CNTNAP5: variants seen among roughly 807,000 people sequenced by gnomAD.
CNTNAP5 encodes the protein contactin associated protein family member 5.
A neutral mutation model predicts 150.2 loss-of-function variants in CNTNAP5; 72 were observed. The ratio of observed to expected loss-of-function variants is 0.48; its 90% CI spans 0.40 to 0.58. The LOEUF (loss-of-function observed/expected upper bound fraction) is 0.58, where lower values mean the gene tolerates loss of function less well. CNTNAP5 is among the 20% of genes least tolerant of loss of function. The pLI, the probability that CNTNAP5 is intolerant of heterozygous loss-of-function variation, is 0.00. For missense variants in CNTNAP5, 1,636 were observed against 1,626.2 expected (o/e 1.01, Z -0.10); for synonymous variants, 672 against 619.8 (o/e 1.08, Z -1.25).
chr2:124,605,841 A>T (rs1456313499), intron 11 of CNTNAP5, among the ~76,000 whole-genome samples: 1 of 150,458 alleles, frequency 6.6e-6, no homozygotes, highest in Non-Finnish European at 1.5e-5. Context: ...AAAGAAGGAA[A>T]GAAAGAAAGA....
At chr2:124,745,924 G>A (rs1197781745) in intron 13 of CNTNAP5, among the ~76,000 whole-genome samples, 1 of 152,178 alleles carries the variant, frequency 6.6e-6, no homozygotes, top group Non-Finnish European at 1.5e-5. Context: ...GGGGATGATA[G>A]CCTGGAGGCA....
chr2:124,113,310 A>G (rs1310276462), intron 1 of CNTNAP5, among the ~76,000 whole-genome samples: 1 of 152,096 alleles, frequency 6.6e-6, no homozygotes, highest in Non-Finnish European at 1.5e-5. Context: ...AGTTTTTTGT[A>G]CACCTTTCTT....
In CNTNAP5 at chr2:124,302,502, C is replaced by T. The variant is rs140117573; in HGVS notation, c.381+60109C>T. Among the ~76,000 whole-genome samples the T allele has an allele frequency of 2.8e-3, 431 of 152,238 alleles. 2 individuals carry two copies. The highest frequency in any genetic ancestry group is 9.9e-3 in the African/African-American group (410 of 41,538). Reference sequence around the variant, plus strand: ...TCCCATGGCAGAATGTGAAGGGACACGGAGGGTGAGGGCAAGAGAGTGAGA... The same window carrying T: ...TCCCATGGCAGAATGTGAAGGGACATGGAGGGTGAGGGCAAGAGAGTGAGA... On this transcript the variant is annotated intron_variant, in intron 3 of 23. Coordinates refer to ENST00000682447, the MANE Select transcript of CNTNAP5 (RefSeq NM_001367498.1).
intron 3 of CNTNAP5, among the ~76,000 whole-genome samples, chr2:124,355,789 T>C (rs1334094910): frequency 6.6e-6 from 1 of 152,148 alleles, no homozygotes; most frequent in South Asian, 2.1e-4. Flanking sequence ...TGGACATTTG[T>C]AATTTGCATT....
chr2:124,349,573 A>ACT (rs1689822796), intron 3 of CNTNAP5, among the ~76,000 whole-genome samples: 1 of 152,112 alleles, frequency 6.6e-6, no homozygotes, highest in Admixed American at 6.6e-5. Context: ...AAAAGCACTA[A>ACT]CTCTTTGTCT....
At chr2:124,398,480 CTTTA>C (rs71394036) in intron 3 of CNTNAP5, among the ~76,000 whole-genome samples, 45 of 147,988 alleles carry the variant, frequency 3.0e-4, no homozygotes, top group Middle Eastern at 3.5e-3. Flanking sequence ...GAAATTTTTA[CTTTA>C]TTTATTTATT....
intron 14 of CNTNAP5, among the ~76,000 whole-genome samples, chr2:124,749,343 C>T (rs1053253758): frequency 1.7e-4 from 26 of 151,584 alleles, no homozygotes; most frequent in African/African-American, 6.3e-4. Context: ...CCCTCCCCTC[C>T]CTCCTCCTTC....
intron 4 of CNTNAP5, among the ~76,000 whole-genome samples, chr2:124,431,857 C>T (rs1543901): frequency 0.35 from 53,837 of 151,810 alleles, 11,593 homozygotes; most frequent in Non-Finnish European, 0.48. Context: ...TTGACATAAA[C>T]TTAACCCCAG....
chr2:124,280,954 G>C (rs960949890), intron 3 of CNTNAP5, among the ~76,000 whole-genome samples: 1 of 152,016 alleles, frequency 6.6e-6, no homozygotes, highest in African/African-American at 2.4e-5. Context: ...TCTCTAAATA[G>C]GATACCAAGA....
chr2:124,457,343 A>G (rs937546428), intron 6 of CNTNAP5, among the ~76,000 whole-genome samples: 3 of 152,246 alleles, frequency 2.0e-5, no homozygotes, highest in Non-Finnish European at 2.9e-5. Context: ...CAAAAGGAAC[A>G]GTCAGCAGAA....
chr2:124,551,626 A>G (rs997851856), intron 10 of CNTNAP5, among the ~76,000 whole-genome samples: 6 of 152,214 alleles, frequency 3.9e-5, no homozygotes, highest in Admixed American at 1.3e-4. Context: ...AGGAAAGCAT[A>G]TAGAAATTGA....
intron 13 of CNTNAP5, among the ~76,000 whole-genome samples, chr2:124,651,130 G>A (rs1678312170): frequency 6.6e-6 from 1 of 152,178 alleles, no homozygotes; most frequent in Admixed American, 6.5e-5. Flanking sequence ...TGCAAAGGTG[G>A]GGAGTCAAAG....
chr2:124,107,840 A>G (rs1351530846), intron 1 of CNTNAP5, among the ~76,000 whole-genome samples: 1 of 152,178 alleles, frequency 6.6e-6, no homozygotes, highest in Non-Finnish European at 1.5e-5. Flanking sequence ...TTGCTTTTAT[A>G]CATTTTAGGA....
intron 1 of CNTNAP5, among the ~76,000 whole-genome samples, chr2:124,215,401 C>A (rs1686129961): frequency 6.6e-6 from 1 of 152,102 alleles, no homozygotes; most frequent in Non-Finnish European, 1.5e-5. Flanking sequence ...ATGATAATTT[C>A]TCAATAGCTG....
At chr2:124,801,747 C>A (rs1037122340) in intron 19 of CNTNAP5, among the ~76,000 whole-genome samples, 3 of 151,942 alleles carry the variant, frequency 2.0e-5, no homozygotes, top group African/African-American at 7.3e-5. Context: ...GGCCATTGAC[C>A]TAATTACCAG....
At chr2:124,629,281 C>G (rs947073525) in intron 12 of CNTNAP5, among the ~76,000 whole-genome samples, 1 of 152,140 alleles carries the variant, frequency 6.6e-6, no homozygotes, top group African/African-American at 2.4e-5. Flanking sequence ...CCACAGGGCA[C>G]TTACTCTAAA....
intron 18 of CNTNAP5, among the ~76,000 whole-genome samples, chr2:124,795,320 C>T (rs1221515412): frequency 2.6e-5 from 4 of 152,134 alleles, no homozygotes; most frequent in Non-Finnish European, 5.9e-5. Flanking sequence ...CCAGTACCAT[C>T]CCATTTCCAG....
chr2:124,746,643 A>T (rs988158985), intron 13 of CNTNAP5, among the ~76,000 whole-genome samples: 1 of 152,190 alleles, frequency 6.6e-6, no homozygotes, highest in Non-Finnish European at 1.5e-5. Context: ...CCTCTTACAC[A>T]GCCAACCTCT....
intron 3 of CNTNAP5, among the ~76,000 whole-genome samples, chr2:124,402,139 C>A (rs1691440871): frequency 1.3e-5 from 2 of 152,078 alleles, no homozygotes; most frequent in Non-Finnish European, 2.9e-5. Flanking sequence ...ATGTTAGGAT[C>A]CCTTCATATT....
Sources: allele counts gnomAD v4.1 joint callset (sites outside exome capture counted in the v4.1 genomes callset), GRCh38; gene constraint gnomAD v4.1.1; transcripts MANE v1.5; gene names NCBI Gene and HGNC (gene_info 2026-07-23, HGNC 2026-07-21).